PCDHA8: variants seen among roughly 807,000 people sequenced by gnomAD.
PCDHA8 encodes the protein protocadherin alpha-8.
Under a neutral mutation model 61.8 loss-of-function variants are expected in PCDHA8, and 53 were observed. The ratio of observed to expected loss-of-function variants is 0.86; its 90% CI spans 0.69 to 1.08. The LOEUF is 1.08. PCDHA8 is among the 50% of genes least tolerant of loss of function. The pLI, the probability that PCDHA8 is intolerant of heterozygous loss-of-function variation, is 0.00. For synonymous variants in PCDHA8, 618 were observed against 556.6 expected (o/e 1.11, Z -1.55); for missense variants, 1,293 against 1,245.0 (o/e 1.04, Z -0.58).
rs1562687946 is a variant in PCDHA8 at position 140,874,243 on chromosome 5, TG to T, written c.2394+30530del. ...GTAGGAATGAATGGCAACAAATTAT[TG>T]GTTTAAAGATTTTGACTTGAGTATT... On this transcript the variant is annotated intron_variant, in intron 1 of 3. Coordinates refer to ENST00000531613, the MANE Select transcript of PCDHA8 (RefSeq NM_018911.3). 2.0e-5 allele frequency among the ~76,000 whole-genome samples: 3 copies of T among 152,230 alleles called. No homozygotes were observed. In the South Asian group the frequency reaches 6.2e-4, roughly 32 times the overall value.
In PCDHA8 at chr5:140,923,435, G is replaced by A. The variant is rs186360462; in HGVS notation, c.2395-55514G>A. 5.3e-3 allele frequency among the ~76,000 whole-genome samples: 803 copies of A among 152,184 alleles called. 3 individuals are homozygous for A. Among genetic ancestry groups the A allele is most frequent in the Non-Finnish European group, 8.4e-3 (569 of 67,990 alleles). ...CCTGGCTACTTGGGAGGCTGGGGTG[G>A]GAGGATCACCTGAGCCCAGAGAGGT... On this transcript the variant is annotated intron_variant, in intron 1 of 3. Transcript: ENST00000531613.
In PCDHA8 at chr5:140,848,769, C is replaced by A. The variant is rs2150419947; in HGVS notation, c.2394+5054C>A. On this transcript the variant is annotated intron_variant, in intron 1 of 3. Coordinates refer to ENST00000531613, the MANE Select transcript of PCDHA8 (RefSeq NM_018911.3). ...TTTGTTTGTGAATTCTCGGATCGAC[C>A]GCGAGGAGCTGTGCGGGCGGAGCGC... 9.6e-5 allele frequency: 153 copies of A among 1,593,410 alleles called. 12 individuals are homozygous for A. The Admixed American group carries it at 1.9e-3, about 20-fold the overall frequency.
At position 140,842,128 on chromosome 5, in the gene PCDHA8, G is replaced by C; in HGVS notation, c.807G>C (p.Pro269=). The C allele has an allele frequency of 6.2e-7, 1 of 1,613,840 alleles. No individual in the cohort carries two copies. The highest frequency in any genetic ancestry group is 8.5e-7 in the Non-Finnish European group (1 of 1,179,832). The change falls in exon 1 of 4, where the codon CCG becomes CCC. Residue 269 remains proline (P), a synonymous_variant. Coordinates refer to ENST00000531613, the MANE Select transcript of PCDHA8 (RefSeq NM_018911.3). The stretch of plus-strand genomic sequence containing the variant: ...TTATCAAACTGAATGCTTCTGATCC[G>C]GATGAAGGAGCCAATGGGGCAATTT... The part of the protein sequence containing the change: ...TTVIKLNASD[P]DEGANGAISY...
Position 140,870,311 on chromosome 5 carries a change from A to C in PCDHA8, c.2394+26596A>C, listed in dbSNP as rs143855054. The C allele has an allele frequency of 1.9e-6, 3 of 1,614,154 alleles. No homozygotes were observed. In the African/African-American group the frequency reaches 4.0e-5, roughly 22 times the overall value. On this transcript the variant is annotated intron_variant, in intron 1 of 3. Transcript: ENST00000531613. ...AAGCTGGTGTCCACCTTCAAGAATT[A>C]CTACTCGTTGGTGCTGGACAGCGCC...
chr5:140,857,567 G>T (rs139473255), intron 1 of PCDHA8: 8 of 1,596,870 alleles, frequency 5.0e-6, no homozygotes, highest in African/African-American at 2.7e-5. Flanking sequence ...GTCGAGCTAC[G>T]TGTCGGTGCA....
At chr5:140,871,376 G>C in intron 1 of PCDHA8, 1 of 1,614,196 alleles carries the variant, frequency 6.2e-7, no homozygotes, top group Non-Finnish European at 8.5e-7. Flanking sequence ...CAGAGGGTGT[G>C]CTCTGAGGAG....
chr5:140,849,060 G>A lies in PCDHA8; in HGVS notation c.2394+5345G>A, dbSNP rs2150429705. On this transcript the variant is annotated intron_variant, in intron 1 of 3. Transcript: ENST00000531613. ...GGACGTGCCAACCAGCAACCAGCAG[G>A]TAAAACCTCTTGGACTTGTATTACG... The A allele has an allele frequency of 3.2e-6, 5 of 1,549,090 alleles. No individual in the cohort carries two copies. The South Asian group carries it at 5.6e-5, about 17-fold the overall frequency.
At chr5:140,912,652 G>A (rs555103404) in intron 1 of PCDHA8, among the ~76,000 whole-genome samples, 2 of 152,132 alleles carry the variant, frequency 1.3e-5, no homozygotes, top group South Asian at 2.1e-4. Context: ...TTGAATAGAA[G>A]TGGTGAAAAT....
At chr5:140,869,231 C>T (rs781820629) in intron 1 of PCDHA8, 29 of 1,613,712 alleles carry the variant, frequency 1.8e-5, no homozygotes, top group Non-Finnish European at 2.3e-5. Context: ...AAACACGGCA[C>T]CTTCGTGGGC....
Position 140,870,628 on chromosome 5 carries a change from G to A in PCDHA8, c.2394+26913G>A. The A allele has an allele frequency of 4.3e-6, 7 of 1,613,050 alleles. No individual in the cohort carries two copies. The highest frequency in any genetic ancestry group is 5.9e-6 in the Non-Finnish European group (7 of 1,179,794). Reference sequence around the variant, plus strand: ...CCGCGCGCTGTCGAGCTACGTGTCGGTGCACGCGGAGAGCGGCAAGGTGTA... The same window carrying A: ...CCGCGCGCTGTCGAGCTACGTGTCGATGCACGCGGAGAGCGGCAAGGTGTA... On this transcript the variant is annotated intron_variant, in intron 1 of 3. Transcript: ENST00000531613.
intron 1 of PCDHA8, among the ~76,000 whole-genome samples, chr5:140,978,103 A>G (rs2096789005): frequency 6.6e-6 from 1 of 152,106 alleles, no homozygotes; most frequent in South Asian, 2.1e-4. Flanking sequence ...AACTCCCCCA[A>G]CAGTCTTTAA....
rs185216314 is a variant in PCDHA8, at chr5:140,968,202, A to G, written c.2395-10747A>G. On this transcript the variant is annotated intron_variant, in intron 1 of 3. Transcript: ENST00000531613. ...GAGGACTCCTATTCCATCTACATACAGGAGAACAATTTGCCAGGTGTGTTG... is the reference window on the plus strand; with the variant it reads ...GAGGACTCCTATTCCATCTACATACGGGAGAACAATTTGCCAGGTGTGTTG... The G allele has an allele frequency of 3.7e-5, 60 of 1,614,044 alleles. 1 individual carries two copies. The East Asian group carries it at 1.1e-3, about 29-fold the overall frequency.
chr5:140,943,719 T>G (rs1198620937), intron 1 of PCDHA8, among the ~76,000 whole-genome samples: 2 of 152,126 alleles, frequency 1.3e-5, no homozygotes, highest in African/African-American at 4.8e-5. Context: ...TTTAAAGGTC[T>G]GAGAGAATGA....
intron 1 of PCDHA8, among the ~76,000 whole-genome samples, chr5:140,936,016 C>T (rs1170221921): frequency 6.6e-6 from 1 of 151,732 alleles, no homozygotes; most frequent in Non-Finnish European, 1.5e-5. Context: ...CCTCAGCCTC[C>T]CGAGTAGCGG....
At chr5:140,987,949 A>G (rs1251112253) in intron 3 of PCDHA8, among the ~76,000 whole-genome samples, 1 of 152,162 alleles carries the variant, frequency 6.6e-6, no homozygotes, top group Non-Finnish European at 1.5e-5. Context: ...CTGTCTGACA[A>G]AACCAACTCC....
intron 1 of PCDHA8, among the ~76,000 whole-genome samples, chr5:140,962,908 C>G (rs2095718284): frequency 1.3e-5 from 2 of 152,146 alleles, no homozygotes. Context: ...AGCTCCTTCC[C>G]TATTTGACAG....
At chr5:140,893,327 GT>G (rs2063928643) in intron 1 of PCDHA8, among the ~76,000 whole-genome samples, 1 of 152,164 alleles carries the variant, frequency 6.6e-6, no homozygotes, top group Non-Finnish European at 1.5e-5. Flanking sequence ...CTCCCATACT[GT>G]TTTCCTTAGT....
intron 1 of PCDHA8, chr5:140,884,155 C>A (rs781815602): frequency 1.2e-6 from 2 of 1,613,430 alleles, no homozygotes; most frequent in Non-Finnish European, 1.7e-6. Flanking sequence ...TGTACACTGG[C>A]GAGATCAGCA....
At chr5:140,944,566 A>G (rs782290531) in intron 1 of PCDHA8, among the ~76,000 whole-genome samples, 37 of 152,182 alleles carry the variant, frequency 2.4e-4, no homozygotes, top group African/African-American at 7.5e-4. Context: ...CTGGCAACTT[A>G]CTGTAGAGAT....
Sources: allele counts gnomAD v4.1 joint callset (sites outside exome capture counted in the v4.1 genomes callset), GRCh38; gene constraint gnomAD v4.1.1; transcripts MANE v1.5; gene names NCBI Gene and HGNC (gene_info 2026-07-23, HGNC 2026-07-21).